The following TMTC2 variants were observed in gnomAD, a reference collection of about 807,000 sequenced individuals.
TMTC2 encodes the protein protein O-mannosyl-transferase TMTC2.
Under a neutral mutation model 82.4 loss-of-function variants are expected in TMTC2, and 43 were observed. That is an observed-to-expected ratio of 0.52 (90% confidence interval 0.41 to 0.67). The LOEUF (loss-of-function observed/expected upper bound fraction) is 0.67. TMTC2 is among the 30% of genes least tolerant of loss of function. The probability of loss-of-function intolerance (pLI) is 0.00; values close to 1 mark genes in which losing one functional copy is unlikely to be tolerated. For missense variants in TMTC2, 919 were observed against 1,012.4 expected (o/e 0.91, Z 1.25); for synonymous variants, 408 against 381.9 (o/e 1.07, Z -0.80).
intron 11 of TMTC2, among the ~76,000 whole-genome samples, chr12:83,063,397 G>C (rs1882811721): frequency 6.6e-6 from 1 of 151,608 alleles, no homozygotes; most frequent in African/African-American, 2.4e-5. Flanking sequence ...TTCAAGAATT[G>C]ATAGGCAGTT....
rs529029277 is a variant in TMTC2, at chr12:82,738,499, T to C, written c.83+50830T>C. 8.5e-5 allele frequency among the ~76,000 whole-genome samples: 13 copies of C among 152,330 alleles called. No homozygotes were observed. In the East Asian group the frequency reaches 2.1e-3, roughly 25 times the overall value. On this transcript the variant is annotated intron_variant, in intron 1 of 11. Coordinates refer to ENST00000321196, the MANE Select transcript of TMTC2 (RefSeq NM_152588.3). ...GCACCAAGAGTTTAATAGTTACTTA[T>C]ACCTTAAAGAGACACAAATAAGGTT...
intron 2 of TMTC2, among the ~76,000 whole-genome samples, chr12:82,861,051 ACT>A (rs1871519308): frequency 6.6e-6 from 1 of 152,156 alleles, no homozygotes; most frequent in Non-Finnish European, 1.5e-5. Context: ...TTGCCAATTA[ACT>A]CTGCATCCTA....
At chr12:82,950,881 A>C (rs1877311466) in intron 4 of TMTC2, among the ~76,000 whole-genome samples, 1 of 152,240 alleles carries the variant, frequency 6.6e-6, no homozygotes, top group South Asian at 2.1e-4. Flanking sequence ...TCCATCTGAA[A>C]TAATTAAAAA....
intron 1 of TMTC2, among the ~76,000 whole-genome samples, chr12:82,730,807 C>T (rs973529339): frequency 1.3e-5 from 2 of 152,192 alleles, no homozygotes; most frequent in African/African-American, 4.8e-5. Flanking sequence ...AATGGACACA[C>T]TAGCAAGGTA....
At chr12:82,745,999 A>T (rs924294315) in intron 1 of TMTC2, among the ~76,000 whole-genome samples, 19 of 152,160 alleles carry the variant, frequency 1.2e-4, no homozygotes, top group African/African-American at 4.6e-4. Context: ...GAAGGTGCTG[A>T]TCCTAAATTG....
At chr12:83,029,115 T>TTTTGC (rs1324686345) in intron 8 of TMTC2, among the ~76,000 whole-genome samples, 1 of 147,044 alleles carries the variant, frequency 6.8e-6, no homozygotes, top group Admixed American at 7.2e-5. Flanking sequence ...ACAATGAGTT[T>TTTTGC]TTTGTTTTGT....
intron 7 of TMTC2, among the ~76,000 whole-genome samples, chr12:82,983,137 A>G (rs187384351): frequency 7.5e-4 from 114 of 152,172 alleles, no homozygotes; most frequent in African/African-American, 2.6e-3. Flanking sequence ...GGTGAACATA[A>G]GTCAGACATT....
chr12:83,101,314 C>T (rs1884208257), intron 11 of TMTC2, among the ~76,000 whole-genome samples: 1 of 152,156 alleles, frequency 6.6e-6, no homozygotes, highest in Admixed American at 6.5e-5. Context: ...TATTTTCCTT[C>T]TTAAAATACA....
intron 1 of TMTC2, among the ~76,000 whole-genome samples, chr12:82,845,275 T>TATATATA (rs1565775614): frequency 9.2e-6 from 1 of 108,324 alleles, no homozygotes; most frequent in African/African-American, 3.9e-5. Flanking sequence ...ATATATATAT[T>TATATATA]GAACTAGTCA....
chr12:82,985,041 A>C (rs913851042), intron 7 of TMTC2, among the ~76,000 whole-genome samples: 3 of 151,920 alleles, frequency 2.0e-5, no homozygotes, highest in Non-Finnish European at 4.4e-5. Context: ...ATTAATCATA[A>C]TTTTAATTAT....
At chr12:82,858,056 A>G (rs1871348588) in intron 2 of TMTC2, among the ~76,000 whole-genome samples, 1 of 152,226 alleles carries the variant, frequency 6.6e-6, no homozygotes, top group Non-Finnish European at 1.5e-5. Context: ...CTGGGAAGTC[A>G]AATTCTTAAA....
intron 8 of TMTC2, among the ~76,000 whole-genome samples, chr12:82,998,247 A>G (rs1312631772): frequency 6.6e-6 from 1 of 152,160 alleles, no homozygotes; most frequent in Non-Finnish European, 1.5e-5. Context: ...GACGGAGATA[A>G]TAGGAGAGCT....
chr12:82,762,642 TA>T (rs1346468270), intron 1 of TMTC2, among the ~76,000 whole-genome samples: 2 of 151,888 alleles, frequency 1.3e-5, no homozygotes, highest in Admixed American at 1.3e-4. Context: ...CAGTAATTTA[TA>T]AAAAAATGAG....
At chr12:82,978,982 T>G in intron 7 of TMTC2, among the ~76,000 whole-genome samples, 1 of 152,008 alleles carries the variant, frequency 6.6e-6, no homozygotes, top group African/African-American at 2.4e-5. Flanking sequence ...ATCTGTTTTG[T>G]CTGGTGTAAG....
At chr12:82,905,194 C>T (rs978398737) in intron 3 of TMTC2, among the ~76,000 whole-genome samples, 3 of 152,124 alleles carry the variant, frequency 2.0e-5, no homozygotes, top group Non-Finnish European at 4.4e-5. Flanking sequence ...CAACTTCTTG[C>T]AAACTTCCTT....
Position 83,111,001 on chromosome 12 carries a change from T to G in TMTC2, c.2332-21209T>G, listed in dbSNP as rs376240551. 3.9e-5 allele frequency among the ~76,000 whole-genome samples: 6 copies of G among 152,356 alleles called. No homozygotes were observed. The East Asian group carries it at 1.2e-3, about 29-fold the overall frequency. ...CATCCTCCCACACCTTCCCTTCCCA[T>G]GGTCTTTCCCATTGCAATAAATGGC... is the stretch of plus-strand genomic sequence containing the variant. On this transcript the variant is annotated intron_variant, in intron 11 of 11. Coordinates refer to ENST00000321196, the MANE Select transcript of TMTC2 (RefSeq NM_152588.3).
chr12:83,050,898 T>C lies in TMTC2; in HGVS notation c.2153-6T>C. 3 of 1,606,468 alleles carry C rather than the reference T, an allele frequency of 1.9e-6. No individual in the cohort carries two copies. In the South Asian group the frequency reaches 3.3e-5, roughly 18 times the overall value. On this transcript the variant is annotated splice_region_variant and splice_polypyrimidine_tract_variant and intron_variant, in intron 9 of 11. Transcript: ENST00000321196. ...GTTGAAGCTCACTGGTTTTTATACT[T>C]TTCAGGTCAGTTTCTTCTGGAAGAA... is the stretch of plus-strand genomic sequence containing the variant.
intron 1 of TMTC2, among the ~76,000 whole-genome samples, chr12:82,782,577 C>A (rs1314326046): frequency 6.6e-6 from 1 of 152,134 alleles, no homozygotes; most frequent in African/African-American, 2.4e-5. Context: ...TTGTACAAGT[C>A]AAAGATCTCA....
At chr12:82,847,812 G>T (rs531576276) in intron 1 of TMTC2, among the ~76,000 whole-genome samples, 3 of 152,006 alleles carry the variant, frequency 2.0e-5, no homozygotes, top group East Asian at 3.9e-4. Flanking sequence ...TGGGACTTGG[G>T]GGAGGGATAG....
Sources: allele counts gnomAD v4.1 joint callset (sites outside exome capture counted in the v4.1 genomes callset), GRCh38; gene constraint gnomAD v4.1.1; transcripts MANE v1.5; gene names NCBI Gene and HGNC (gene_info 2026-07-23, HGNC 2026-07-21).